Variants in CRACD observed in about 807,000 individuals in gnomAD.
CRACD encodes capping protein inhibiting regulator of actin dynamics.
CRACD carries 56 observed loss-of-function variants against 106.8 expected under a neutral mutation model. The observed-to-expected ratio is 0.52, with a 90% confidence interval of 0.42 to 0.66. The LOEUF (loss-of-function observed/expected upper bound fraction) is 0.66, where lower values mean the gene tolerates loss of function less well. Among genes scored for constraint, CRACD ranks in the 30% least tolerant of loss-of-function variants. The pLI is 0.00. For missense variants in CRACD, 1,730 were observed against 1,623.2 expected (o/e 1.07, Z -1.13); for synonymous variants, 754 against 670.8 (o/e 1.12, Z -1.92).
At chr4:56,154,877 G>C (rs1735716271) in intron 1 of CRACD, among the ~76,000 whole-genome samples, 1 of 152,166 alleles carries the variant, frequency 6.6e-6, no homozygotes, top group Admixed American at 6.6e-5. Flanking sequence ...ACTTTTCTAT[G>C]AGGTATTTGA....
chr4:56,256,578 A>G (rs560116494), intron 2 of CRACD, among the ~76,000 whole-genome samples: 2 of 152,242 alleles, frequency 1.3e-5, no homozygotes, highest in African/African-American at 4.8e-5. Flanking sequence ...TGAACTGGGC[A>G]TTGTCTGAGC....
chr4:56,177,974 C>A (rs916307633), intron 1 of CRACD, among the ~76,000 whole-genome samples: 3 of 152,010 alleles, frequency 2.0e-5, no homozygotes, highest in Non-Finnish European at 4.4e-5. Flanking sequence ...TTTTGTTAAT[C>A]TTTGGTGGTT....
chr4:56,271,998 C>T (rs1227012126), intron 2 of CRACD, among the ~76,000 whole-genome samples: 2 of 152,214 alleles, frequency 1.3e-5, no homozygotes, highest in African/African-American at 2.4e-5. Context: ...CCCACCTCAG[C>T]CTCCCAAAGT....
chr4:56,089,902 A>G (rs1733363106), intron 1 of CRACD, among the ~76,000 whole-genome samples: 1 of 152,194 alleles, frequency 6.6e-6, no homozygotes, highest in Non-Finnish European at 1.5e-5. Flanking sequence ...TCAACCATTA[A>G]GAGTTTTAAT....
intron 2 of CRACD, among the ~76,000 whole-genome samples, chr4:56,199,388 C>T (rs756528344): frequency 6.6e-6 from 1 of 151,990 alleles, no homozygotes; most frequent in Admixed American, 6.6e-5. Context: ...GAGTAACAGA[C>T]TTAAAGAGAA....
At chr4:56,227,500 C>T (rs1208354717) in intron 2 of CRACD, among the ~76,000 whole-genome samples, 1 of 128,766 alleles carries the variant, frequency 7.8e-6, no homozygotes. Context: ...TCTGGGTCTC[C>T]CTTGCCAAAA....
intron 3 of CRACD, among the ~76,000 whole-genome samples, chr4:56,289,688 C>CAA (rs36017998): frequency 7.1e-4 from 87 of 122,380 alleles, no homozygotes; most frequent in African/African-American, 2.5e-3. Context: ...GACTCTGTCT[C>CAA]AAAAAAAAAA....
chr4:56,050,580 GAGA>G (rs1731841931), intron 1 of CRACD, among the ~76,000 whole-genome samples: 1 of 152,090 alleles, frequency 6.6e-6, no homozygotes, highest in Non-Finnish European at 1.5e-5. Flanking sequence ...AGTCAACAAA[GAGA>G]AGACTCCTTC....
intron 2 of CRACD, among the ~76,000 whole-genome samples, chr4:56,267,539 A>G (rs1010131396): frequency 1.3e-5 from 2 of 152,210 alleles, no homozygotes; most frequent in Admixed American, 1.3e-4. Flanking sequence ...AAGACTTTGG[A>G]GCAGACTTTT....
intron 3 of CRACD, among the ~76,000 whole-genome samples, chr4:56,289,065 T>G (rs756096519): frequency 6.6e-6 from 1 of 152,010 alleles, no homozygotes; most frequent in Admixed American, 6.6e-5. Flanking sequence ...GTACCTGAAA[T>G]AGTAAAATTC....
At position 56,130,091 on chromosome 4, in the gene CRACD, C is replaced by T. The variant is rs142627323; in HGVS notation, c.-335-49193C>T. ...TTTGCGACCAGCTTGGGCAACATGG[C>T]GAGACCCCGTCTCTACAAAAAATAC... On this transcript the variant is annotated intron_variant, in intron 1 of 10. Coordinates refer to ENST00000682029, the MANE Select transcript of CRACD (RefSeq NM_001393381.1). 3.5e-3 allele frequency among the ~76,000 whole-genome samples: 532 copies of T among 152,060 alleles called. 3 individuals carry two copies. The highest frequency in any genetic ancestry group is 0.012 in the African/African-American group (500 of 41,480).
intron 2 of CRACD, among the ~76,000 whole-genome samples, chr4:56,269,933 T>G: frequency 6.6e-6 from 1 of 152,206 alleles, no homozygotes; most frequent in East Asian, 1.9e-4. Context: ...TTTCCTGTCT[T>G]TCAAATAATA....
intron 3 of CRACD, among the ~76,000 whole-genome samples, chr4:56,286,074 G>C (rs753014484): frequency 1.3e-5 from 2 of 152,114 alleles, no homozygotes; most frequent in Non-Finnish European, 2.9e-5. Flanking sequence ...AGTGGTTTCT[G>C]AGCTGGCAAA....
chr4:56,193,283 C>T (rs2127194), intron 2 of CRACD, among the ~76,000 whole-genome samples: 8,989 of 152,094 alleles, frequency 0.059, 1,012 homozygotes, highest in East Asian at 0.49. Context: ...TGGCATGACA[C>T]GTGGGGATTA....
At position 56,104,980 on chromosome 4, in the gene CRACD, A is replaced by G. The variant is rs557053796; in HGVS notation, c.-336+55681A>G. Among the ~76,000 whole-genome samples the G allele has an allele frequency of 2.6e-5, 4 of 151,978 alleles. No homozygotes were observed. In the South Asian group the frequency reaches 8.3e-4, roughly 31 times the overall value. The stretch of plus-strand genomic sequence containing the variant: ...AGACTCCGTCTCAAAAAAAAAAAAA[A>G]AAAAGCTAATAAAACTACCTGCCCC... On this transcript the variant is annotated intron_variant, in intron 1 of 10. Transcript: ENST00000682029.
intron 1 of CRACD, among the ~76,000 whole-genome samples, chr4:56,139,782 TG>T: frequency 6.6e-6 from 1 of 152,314 alleles, no homozygotes; most frequent in South Asian, 2.1e-4. Context: ...ATGCCTTTTT[TG>T]CATTTTTTTC....
intron 3 of CRACD, among the ~76,000 whole-genome samples, chr4:56,282,985 G>A (rs1030953290): frequency 6.6e-6 from 1 of 152,196 alleles, no homozygotes. Flanking sequence ...ATGGAGTAGT[G>A]TGGCTGCAGG....
rs538037246 is a variant in CRACD, at chr4:56,057,008, C to T, written c.-336+7709C>T. On this transcript the variant is annotated intron_variant, in intron 1 of 10. Coordinates refer to ENST00000682029, the MANE Select transcript of CRACD (RefSeq NM_001393381.1). ...TAATAGTTTTTTAATGTTGATTACA[C>T]GTTGAAGTAATAGTTTTGACTATGT... Among the ~76,000 whole-genome samples the T allele has an allele frequency of 7.2e-5, 11 of 152,190 alleles. No homozygotes were observed. The South Asian group carries it at 1.7e-3, about 23-fold the overall frequency.
At chr4:56,234,903 A>G (rs1280685815) in intron 2 of CRACD, among the ~76,000 whole-genome samples, 1 of 152,214 alleles carries the variant, frequency 6.6e-6, no homozygotes, top group Non-Finnish European at 1.5e-5. Flanking sequence ...TAGTGGTGCT[A>G]TAAAGCCAAG....
Sources: allele counts gnomAD v4.1 joint callset (sites outside exome capture counted in the v4.1 genomes callset), GRCh38; gene constraint gnomAD v4.1.1; transcripts MANE v1.5; gene names NCBI Gene and HGNC (gene_info 2026-07-23, HGNC 2026-07-21).